NKAIN3: variants seen among roughly 807,000 people sequenced by gnomAD.
The protein encoded by NKAIN3 is sodium/potassium-transporting ATPase subunit beta-1-interacting protein 3.
A neutral mutation model predicts 30.2 loss-of-function variants in NKAIN3; 25 were observed. The observed-to-expected ratio is 0.83, with a 90% CI of 0.60 to 1.16. The LOEUF is 1.16. NKAIN3 is among the 50% of genes most tolerant of loss of function. NKAIN3 has a pLI of 0.00. For missense variants in NKAIN3, 225 were observed against 254.1 expected, an observed-to-expected ratio of 0.89 and a Z score of 0.78; for synonymous variants, 91 against 89.6, an observed-to-expected ratio of 1.02 and a Z score of -0.09.
chr8:62,593,501 C>A (rs1810721561), intron 3 of NKAIN3, among the ~76,000 whole-genome samples: 1 of 151,754 alleles, frequency 6.6e-6, no homozygotes, highest in African/African-American at 2.4e-5. Context: ...ATAGTTGGTT[C>A]TTTGAAAAGA....
At chr8:62,313,062 T>C (rs1814499956) in intron 1 of NKAIN3, among the ~76,000 whole-genome samples, 1 of 151,980 alleles carries the variant, frequency 6.6e-6, no homozygotes, top group African/African-American at 2.4e-5. Flanking sequence ...TGAGACAACA[T>C]GGAAACTTAC....
chr8:62,734,848 C>T (rs1269779548), intron 3 of NKAIN3, among the ~76,000 whole-genome samples: 3 of 152,130 alleles, frequency 2.0e-5, no homozygotes, highest in Non-Finnish European at 4.4e-5. Flanking sequence ...TTCATCTTTC[C>T]TTTATTTATG....
intron 1 of NKAIN3, among the ~76,000 whole-genome samples, chr8:62,451,844 A>C (rs1317291394): frequency 6.6e-6 from 1 of 152,208 alleles, no homozygotes; most frequent in African/African-American, 2.4e-5. Context: ...ATGACCTTTT[A>C]TTTGGTAGGC....
chr8:62,487,496 A>G (rs1806938991), intron 1 of NKAIN3, among the ~76,000 whole-genome samples: 1 of 152,210 alleles, frequency 6.6e-6, no homozygotes, highest in African/African-American at 2.4e-5. Context: ...TTTATTTTTA[A>G]AAGTTAAGAC....
At position 62,896,879 on chromosome 8, in the gene NKAIN3, G is replaced by A. The variant is rs4739017; in HGVS notation, c.472-21574G>A. Among the ~76,000 whole-genome samples the A allele has an allele frequency of 7.1e-4, 108 of 152,270 alleles. 3 individuals carry two copies. The East Asian group carries it at 0.019, about 27-fold the overall frequency. On this transcript the variant is annotated intron_variant, in intron 4 of 6. Transcript: ENST00000623646. The stretch of plus-strand genomic sequence containing the variant: ...AGAGCAATCTCAGCAGAAAAGTAGG[G>A]CCAGAAGGCAGATTGCAATGAATTA...
intron 1 of NKAIN3, among the ~76,000 whole-genome samples, chr8:62,553,290 C>T (rs2129944567): frequency 6.6e-6 from 1 of 152,194 alleles, no homozygotes. Context: ...TAAATATTTG[C>T]ATTACAAATT....
chr8:62,313,944 CAG>C (rs1814531832), intron 1 of NKAIN3, among the ~76,000 whole-genome samples: 1 of 152,070 alleles, frequency 6.6e-6, no homozygotes, highest in South Asian at 2.1e-4. Flanking sequence ...CATTTAGTCA[CAG>C]AGAGGAACAC....
At chr8:62,837,759 G>A (rs1280633588) in intron 4 of NKAIN3, among the ~76,000 whole-genome samples, 2 of 151,974 alleles carry the variant, frequency 1.3e-5, no homozygotes, top group Non-Finnish European at 2.9e-5. Flanking sequence ...AAAAGATTCT[G>A]AATTAATTCA....
At chr8:62,474,538 A>T (rs2129600218) in intron 1 of NKAIN3, among the ~76,000 whole-genome samples, 1 of 152,328 alleles carries the variant, frequency 6.6e-6, no homozygotes, top group Non-Finnish European at 1.5e-5. Flanking sequence ...CCAGAAAAAA[A>T]GACCAGTTCT....
intron 1 of NKAIN3, among the ~76,000 whole-genome samples, chr8:62,552,064 C>T (rs1482272837): frequency 3.3e-5 from 5 of 152,126 alleles, no homozygotes; most frequent in African/African-American, 1.2e-4. Context: ...TATTGAATTT[C>T]ACATCTTCTG....
intron 1 of NKAIN3, among the ~76,000 whole-genome samples, chr8:62,488,994 T>C (rs575602915): frequency 9.8e-5 from 15 of 152,312 alleles, no homozygotes; most frequent in Non-Finnish European, 1.8e-4. Flanking sequence ...ATGCTAGCTA[T>C]TATTATTCCA....
At chr8:62,920,354 TA>T (rs1822242759) in intron 5 of NKAIN3, among the ~76,000 whole-genome samples, 1 of 152,224 alleles carries the variant, frequency 6.6e-6, no homozygotes, top group Non-Finnish European at 1.5e-5. Flanking sequence ...TGCTCAGTTG[TA>T]CCTAACAGTG....
intron 1 of NKAIN3, among the ~76,000 whole-genome samples, chr8:62,366,078 C>G (rs940328256): frequency 6.6e-6 from 1 of 152,164 alleles, no homozygotes. Context: ...AATCTCCTTA[C>G]TCACTATTGG....
intron 1 of NKAIN3, among the ~76,000 whole-genome samples, chr8:62,290,461 G>C (rs1176006199): frequency 6.6e-6 from 1 of 152,136 alleles, no homozygotes; most frequent in African/African-American, 2.4e-5. Flanking sequence ...AAGGGCTATT[G>C]AATTTTGTCA....
chr8:62,846,123 T>TA (rs200911559), intron 4 of NKAIN3, among the ~76,000 whole-genome samples: 28 of 151,766 alleles, frequency 1.8e-4, no homozygotes, highest in Admixed American at 4.6e-4. Context: ...GGAATAAAGA[T>TA]AAAAAAAACA....
At chr8:62,388,523 T>A (rs528405094) in intron 1 of NKAIN3, among the ~76,000 whole-genome samples, 53 of 152,388 alleles carry the variant, frequency 3.5e-4, no homozygotes, top group African/African-American at 1.1e-3. Context: ...CAAGCATATG[T>A]GGATTAACTA....
chr8:62,581,801 C>A, intron 2 of NKAIN3, among the ~76,000 whole-genome samples: 1 of 71,084 alleles, frequency 1.4e-5, no homozygotes, highest in Non-Finnish European at 2.9e-5. Context: ...CCCACCTATC[C>A]TCCCTCCCTT....
rs77692284 is a variant in NKAIN3 at position 62,953,801 on chromosome 8, G to T, written c.533-101G>T. ...AACATTTTTTCATTTTATGGTGAAC[G>T]GATATTTTTGTTAACTTTGCTCTTA... is the stretch of plus-strand genomic sequence containing the variant. On this transcript the variant is annotated intron_variant, in intron 5 of 6. Coordinates refer to ENST00000623646, the MANE Select transcript of NKAIN3 (RefSeq NM_001304533.3). The T allele has an allele frequency of 5.5e-4, 112 of 203,158 alleles. 1 individual carries two copies. The East Asian group carries it at 0.016, about 29-fold the overall frequency. 12.6% of individuals were successfully genotyped at this position (203,158 alleles called of 1,614,324 possible).
intron 3 of NKAIN3, among the ~76,000 whole-genome samples, chr8:62,729,898 G>T (rs1815413314): frequency 1.3e-5 from 2 of 152,148 alleles, no homozygotes; most frequent in Admixed American, 6.5e-5. Flanking sequence ...ACAAAGCAAG[G>T]ATAAATGCAG....
Sources: allele counts gnomAD v4.1 joint callset (sites outside exome capture counted in the v4.1 genomes callset), GRCh38; gene constraint gnomAD v4.1.1; transcripts MANE v1.5; gene names NCBI Gene and HGNC (gene_info 2026-07-23, HGNC 2026-07-21).